GLOD4: variants seen among roughly 807,000 people sequenced by gnomAD.
GLOD4 encodes the protein glyoxalase domain containing 4.
GLOD4 carries 44 observed loss-of-function variants against 39.1 expected under a neutral mutation model. The ratio of observed to expected loss-of-function variants is 1.13; its 90% CI spans 0.88 to 1.45. GLOD4 has a LOEUF of 1.45. GLOD4 is among the 40% of genes most tolerant of loss of function. The pLI, the probability that GLOD4 is intolerant of heterozygous loss-of-function variation, is 0.00. For synonymous variants in GLOD4, 145 were observed against 135.0 expected, an observed-to-expected ratio of 1.07 and a Z score of -0.52; for missense variants, 405 against 366.4, an observed-to-expected ratio of 1.11 and a Z score of -0.86.
At position 768,164 on chromosome 17, in the gene GLOD4, TGA is replaced by T. The variant is rs530629345; in HGVS notation, c.831+1703_831+1704del. On this transcript the variant is annotated intron_variant, in intron 8 of 8. Coordinates refer to ENST00000301329, the MANE Select transcript of GLOD4 (RefSeq NM_016080.4). ...TTTTAGAAGAAATCTGGAGAGGACG[TGA>T]GAGAGAGAAACGGCGCACACTCAGA... Among the ~76,000 whole-genome samples the T allele has an allele frequency of 1.8e-4, 26 of 142,514 alleles. No homozygotes were observed. The East Asian group carries it at 2.8e-3, about 15-fold the overall frequency. 93.5% of individuals were successfully genotyped at this position (142,514 alleles called of 152,430 possible). A position where few individuals can be genotyped will look rare whatever the true frequency, so the allele number is the denominator to read the frequency against.
At chr17:773,506 A>C (rs1455870707) in intron 4 of GLOD4, among the ~76,000 whole-genome samples, 1 of 150,898 alleles carries the variant, frequency 6.6e-6, no homozygotes, top group East Asian at 2.0e-4. Context: ...CTCTGGGTAC[A>C]TGGGTGTGTG....
intron 8 of GLOD4, among the ~76,000 whole-genome samples, chr17:762,531 A>G (rs950707355): frequency 1.4e-5 from 2 of 145,046 alleles, no homozygotes; most frequent in African/African-American, 5.1e-5. Context: ...ATGAAGGGGA[A>G]TAATTTCATC....
Position 760,204 on chromosome 17 carries a change from G to A in GLOD4, c.866C>T (p.Ala289Val), listed in dbSNP as rs367623782. The A allele has an allele frequency of 1.3e-6, 2 of 1,599,210 alleles. No homozygotes were observed. Among genetic ancestry groups the A allele is most frequent in the African/African-American group, 1.3e-5 (1 of 74,626 alleles). Residue 289 changes from alanine (A) to valine (V), a missense_variant, in exon 9 of 9, where the codon GCC becomes GTC. Coordinates refer to ENST00000301329, the MANE Select transcript of GLOD4 (RefSeq NM_016080.4). Reference sequence around the variant, plus strand: ...TGAAGCTTTGGGTTTATTGTGTTTGGCAAACCACTCGTCACTTTTATCTGC... The same window carrying A: ...TGAAGCTTTGGGTTTATTGTGTTTGACAAACCACTCGTCACTTTTATCTGC... ...MAADKSDEWFAKHNKPKASG is the reference protein window; with the variant it reads ...MAADKSDEWFVKHNKPKASG
chr17:773,174 A>G (rs1445239516), intron 4 of GLOD4, among the ~76,000 whole-genome samples: 2 of 152,172 alleles, frequency 1.3e-5, no homozygotes, highest in Non-Finnish European at 2.9e-5. Context: ...ATTTCTGGGC[A>G]ATAGTTTGAT....
At chr17:784,191 A>G (rs1910424253), upstream of GLOD4, among the ~76,000 whole-genome samples, 1 of 152,232 alleles carries the variant, frequency 6.6e-6, no homozygotes, top group Admixed American at 6.5e-5. Flanking sequence ...CGTTTTTGAC[A>G]TGGGAGTTTT....
intron 8 of GLOD4, among the ~76,000 whole-genome samples, chr17:762,767 T>A (rs956744127): frequency 6.6e-6 from 1 of 152,160 alleles, no homozygotes; most frequent in African/African-American, 2.4e-5. Flanking sequence ...GGCCCCTGCC[T>A]GCCACTTACT....
At chr17:768,300 A>G (rs1420827670) in intron 8 of GLOD4, among the ~76,000 whole-genome samples, 1 of 149,190 alleles carries the variant, frequency 6.7e-6, no homozygotes, top group East Asian at 2.0e-4. Context: ...GGGCGCACTC[A>G]GATTTTTAGA....
rs1910121725 is a variant in GLOD4, at chr17:782,277, T to C, written c.-22A>G. The stretch of plus-strand genomic sequence containing the variant: ...CCATGATTCCCGCCGCACGCAGCCG[T>C]CACGCGCACCGTACAGCCCAGTCCA... On this transcript the variant is annotated 5_prime_UTR_variant, in exon 1 of 9. Coordinates refer to ENST00000301329, the MANE Select transcript of GLOD4 (RefSeq NM_016080.4). The C allele has an allele frequency of 1.2e-6, 2 of 1,612,854 alleles. No individual in the cohort carries two copies. Among genetic ancestry groups the C allele is most frequent in the Non-Finnish European group, 1.7e-6 (2 of 1,179,266 alleles).
In GLOD4 at chr17:771,311, C is replaced by T. The variant is rs114922614; in HGVS notation, c.543+14G>A. On this transcript the variant is annotated intron_variant, in intron 5 of 8. Transcript: ENST00000301329. ...ATTCAAAGTAACAGGTTATTCTTCT[C>T]CAAGATTGCTCACCTGGTTATCAGC... is the stretch of plus-strand genomic sequence containing the variant. 2,838 of 1,561,892 alleles carry T rather than the reference C, an allele frequency of 1.8e-3. 52 individuals carry two copies. The African/African-American group carries it at 0.034, about 19-fold the overall frequency.
At chr17:770,357 A>C in intron 6 of GLOD4, 64 bp downstream of exon 6, 1 of 886,136 alleles carries the variant, frequency 1.1e-6, no homozygotes, top group Non-Finnish European at 1.9e-6. Context: ...AGGGAAGGAC[A>C]AAGTTCTTAG....
At chr17:779,183 C>T (rs1029352503) in intron 1 of GLOD4, among the ~76,000 whole-genome samples, 7 of 151,640 alleles carry the variant, frequency 4.6e-5, no homozygotes, top group African/African-American at 1.2e-4. Context: ...GGCGTGGTGG[C>T]GTGTGCTTGT....
intron 5 of GLOD4, chr17:770,833 T>A (rs1192158895): frequency 4.1e-6 from 1 of 243,992 alleles, no homozygotes; most frequent in Non-Finnish European, 8.0e-6. Context: ...ATTCCATGAA[T>A]GAGCCGTAAA....
chr17:780,757 A>T (rs1167022373), intron 1 of GLOD4: 5 of 153,554 alleles, frequency 3.3e-5, no homozygotes, highest in African/African-American at 9.7e-5. Flanking sequence ...AAAAAAAAAA[A>T]AAAAAAGTCA....
In GLOD4 at chr17:771,377, T is replaced by TA; in HGVS notation, c.490dup (p.Tyr164LeufsTer2). ...CCTTTGCTTTTCTTCATCTTTTTCATAAATTTTCATTCCCAGTAGATTACA... is the reference window on the plus strand; with the variant it reads ...CCTTTGCTTTTCTTCATCTTTTTCATAAAATTTTCATTCCCAGTAGATTACA... On this transcript the variant is annotated frameshift_variant, in exon 5 of 9. Coordinates refer to ENST00000301329, the MANE Select transcript of GLOD4 (RefSeq NM_016080.4). LOFTEE classifies it high-confidence loss of function. The TA allele has an allele frequency of 5.6e-6, 9 of 1,600,692 alleles. No individual in the cohort carries two copies. Among genetic ancestry groups the TA allele is most frequent in the Non-Finnish European group, 7.7e-6 (9 of 1,169,228 alleles).
rs1290977884 is a variant in GLOD4 at position 770,166 on chromosome 17, A to G, written c.631-9T>C. 1 of 1,512,322 alleles carries G rather than the reference A, an allele frequency of 6.6e-7. No individual in the cohort carries two copies. Among genetic ancestry groups the G allele is most frequent in the Admixed American group, 1.7e-5 (1 of 59,618 alleles). 93.7% of individuals were successfully genotyped at this position (1,512,322 alleles called of 1,614,324 possible). ...TCTTCTAAGTCTGGCAACTTGAGGA[A>G]AACAGAGGCAACGTGAGCCAGGGGT... is the stretch of plus-strand genomic sequence containing the variant. On this transcript the variant is annotated splice_polypyrimidine_tract_variant and intron_variant, in intron 6 of 8. Transcript: ENST00000301329.
chr17:778,904 A>G, intron 1 of GLOD4, 160 bp from the exon 2 acceptor site: 1 of 592,954 alleles, frequency 1.7e-6, no homozygotes, highest in Non-Finnish European at 3.0e-6. Context: ...GGATAGAAGC[A>G]GTGGAAGGAC....
At chr17:776,829 C>A in intron 3 of GLOD4, 39 bp downstream of exon 3, 1 of 1,552,840 alleles carries the variant, frequency 6.4e-7, no homozygotes, top group Non-Finnish European at 8.9e-7. Flanking sequence ...CAGCCACCTA[C>A]CCCCAGCCAA....
chr17:768,963 G>A (rs1393519583), intron 8 of GLOD4, among the ~76,000 whole-genome samples: 5 of 152,232 alleles, frequency 3.3e-5, no homozygotes, highest in African/African-American at 7.2e-5. Flanking sequence ...GAAACAGTGC[G>A]CACTCAGATT....
chr17:782,650 G>C, upstream of GLOD4: 1 of 1,613,086 alleles, frequency 6.2e-7, no homozygotes, highest in East Asian at 2.2e-5. Context: ...GAAGAGTCTG[G>C]GCTTCGCTAC....
Sources: gnomAD v4.1 joint callset for allele counts (sites outside exome capture counted in the v4.1 genomes callset) on GRCh38, gnomAD v4.1.1 for gene constraint, MANE v1.5 for transcripts, NCBI Gene and HGNC (gene_info 2026-07-23, HGNC 2026-07-21) for gene names.